The following NR2C1 variants were observed in gnomAD, a reference collection of about 807,000 sequenced individuals.
The protein encoded by NR2C1 is nuclear receptor subfamily 2 group C member 1.
NR2C1 carries 33 observed loss-of-function variants against 74.8 expected under a neutral mutation model. The ratio of observed to expected loss-of-function variants is 0.44; its 90% CI spans 0.33 to 0.59. NR2C1 has a LOEUF of 0.59. Ranked by LOEUF, NR2C1 falls within the 20% of genes least tolerant of loss-of-function variation. The probability of loss-of-function intolerance (pLI) is 0.02; values close to 1 mark genes in which losing one functional copy is unlikely to be tolerated. For synonymous variants in NR2C1, 225 were observed against 240.6 expected, an observed-to-expected ratio of 0.94 and a Z score of 0.60; for missense variants, 568 against 715.6, an observed-to-expected ratio of 0.79 and a Z score of 2.35.
At chr12:95,028,144 A>C (rs1247054374) in intron 12 of NR2C1, 4 of 332,568 alleles carry the variant, frequency 1.2e-5, no homozygotes, top group Non-Finnish European at 1.6e-5. Context: ...ATTATAAATA[A>C]TGCTGCTATG....
chr12:95,070,094 G>A (rs369175988), intron 1 of NR2C1, among the ~76,000 whole-genome samples: 2 of 152,012 alleles, frequency 1.3e-5, no homozygotes, highest in African/African-American at 4.8e-5. Context: ...GCCTTGAGTA[G>A]CCAATACAAA....
intron 9 of NR2C1, among the ~76,000 whole-genome samples, chr12:95,042,942 A>C (rs1871778010): frequency 6.6e-6 from 1 of 151,290 alleles, no homozygotes; most frequent in Admixed American, 6.6e-5. Flanking sequence ...CAAAAAAAAA[A>C]AAAAAAAAAC....
chr12:95,058,849 G>C (rs991458796), intron 4 of NR2C1, among the ~76,000 whole-genome samples: 1 of 151,778 alleles, frequency 6.6e-6, no homozygotes, highest in African/African-American at 2.4e-5. Context: ...GGCTGGTCTT[G>C]AACTCCTGGC....
chr12:95,073,541 T>C lies in NR2C1; in HGVS notation c.-169A>G, dbSNP rs1877072700. ...GGAGAGAGCTTTCTGTGTTTGGGTA[T>C]TTCTGGGGGGTCAGAGTTCGTGACC... On this transcript the variant is annotated 5_prime_UTR_variant, in exon 1 of 14. Transcript: ENST00000333003. The C allele has an allele frequency of 6.6e-6, 1 of 152,236 alleles. No individual in the cohort carries two copies. The highest frequency in any genetic ancestry group is 1.5e-5 in the Non-Finnish European group (1 of 68,046). The allele number at this position is 152,236 out of a possible 1,614,324, so 9.4% of individuals were successfully genotyped here. A position where few individuals can be genotyped will look rare whatever the true frequency, so the allele number is the denominator to read the frequency against.
chr12:95,037,053 C>T (rs545629422), intron 10 of NR2C1, among the ~76,000 whole-genome samples: 4 of 152,164 alleles, frequency 2.6e-5, no homozygotes, highest in Non-Finnish European at 5.9e-5. Context: ...ATTCAGCTGT[C>T]TGGCTTGGCA....
intron 12 of NR2C1, 111 bp downstream of exon 12, chr12:95,028,275 CT>C (rs200743901): frequency 3.7e-6 from 3 of 814,146 alleles, no homozygotes; most frequent in East Asian, 2.7e-5. Context: ...CTACTGAACT[CT>C]TTTCCCAGGT....
chr12:95,071,095 G>A (rs1024324841), intron 1 of NR2C1, among the ~76,000 whole-genome samples: 1 of 152,138 alleles, frequency 6.6e-6, no homozygotes, highest in Non-Finnish European at 1.5e-5. Context: ...CAGCTATGCA[G>A]GAGGCTGAGG....
At chr12:95,062,784 T>C in intron 2 of NR2C1, 46 bp from the exon 3 acceptor site, 1 of 1,417,636 alleles carries the variant, frequency 7.1e-7, no homozygotes, top group Non-Finnish European at 1.0e-6. Context: ...ATAATTTTTC[T>C]TTAATGACAC....
intron 7 of NR2C1, among the ~76,000 whole-genome samples, chr12:95,054,952 T>C (rs921253306): frequency 5.9e-5 from 9 of 152,192 alleles, no homozygotes; most frequent in Non-Finnish European, 1.0e-4. Flanking sequence ...GGAGTGGTGA[T>C]GATTCTTAAC....
At chr12:95,054,756 T>A (rs547059611) in intron 7 of NR2C1, among the ~76,000 whole-genome samples, 10 of 151,774 alleles carry the variant, frequency 6.6e-5, no homozygotes, top group Non-Finnish European at 1.3e-4. Context: ...GATTCTTTTT[T>A]ATTTTATTTT....
At chr12:95,070,739 T>G (rs1192354006) in intron 1 of NR2C1, among the ~76,000 whole-genome samples, 2 of 152,240 alleles carry the variant, frequency 1.3e-5, no homozygotes, top group East Asian at 3.8e-4. Context: ...ACAAGGTGCC[T>G]GGCACTGTGA....
chr12:95,033,385 C>T (rs1870403011), intron 10 of NR2C1, among the ~76,000 whole-genome samples: 1 of 151,992 alleles, frequency 6.6e-6, no homozygotes, highest in South Asian at 2.1e-4. Flanking sequence ...GAAGGCATTT[C>T]TGAGGTGGTG....
chr12:95,035,705 C>T (rs1164656578), intron 10 of NR2C1, among the ~76,000 whole-genome samples: 2 of 152,174 alleles, frequency 1.3e-5, no homozygotes, highest in Non-Finnish European at 2.9e-5. Flanking sequence ...TTACATTTAT[C>T]TAAACCCCAA....
intron 11 of NR2C1, among the ~76,000 whole-genome samples, 159 bp downstream of exon 11, chr12:95,031,189 AG>A (rs56781328): frequency 0.02 from 3,119 of 152,296 alleles, 96 homozygotes; most frequent in African/African-American, 0.072. Context: ...TTAGAGGATT[AG>A]TAAATTTATA....
intron 7 of NR2C1, among the ~76,000 whole-genome samples, chr12:95,056,941 A>G (rs1486872511): frequency 1.3e-5 from 2 of 149,324 alleles, no homozygotes; most frequent in East Asian, 4.0e-4. Flanking sequence ...CCTCGGCAAC[A>G]GAGTGAGACT....
intron 7 of NR2C1, among the ~76,000 whole-genome samples, chr12:95,052,752 T>A (rs1259021570): frequency 1.3e-5 from 2 of 152,050 alleles, no homozygotes; most frequent in African/African-American, 4.8e-5. Flanking sequence ...AACTATAAAC[T>A]TGTATGGAAT....
At chr12:95,062,260 T>C (rs1874892214) in intron 3 of NR2C1, among the ~76,000 whole-genome samples, 1 of 152,202 alleles carries the variant, frequency 6.6e-6, no homozygotes, top group African/African-American at 2.4e-5. Context: ...TTAAAGGCTG[T>C]TGTCCTGGCT....
chr12:95,025,658 TAAAAAAAAAAAA>T (rs11291964), intron 12 of NR2C1, among the ~76,000 whole-genome samples: 2 of 86,564 alleles, frequency 2.3e-5, no homozygotes, highest in South Asian at 4.0e-4. Flanking sequence ...AACTCTGTCT[TAAAAAAAAAAAA>T]AAAAAAAAAA....
chr12:95,049,374 C>T (rs1485480672), intron 8 of NR2C1, 141 bp from the exon 9 acceptor site: 9 of 679,682 alleles, frequency 1.3e-5, no homozygotes, highest in South Asian at 2.6e-5. Context: ...CCCGCCTCAG[C>T]CTTCCAAAGT....
Sources: gnomAD v4.1 joint callset for allele counts (sites outside exome capture counted in the v4.1 genomes callset) on GRCh38, gnomAD v4.1.1 for gene constraint, MANE v1.5 for transcripts, NCBI Gene and HGNC (gene_info 2026-07-23, HGNC 2026-07-21) for gene names.